Variants in ZGRF1 observed in about 807,000 individuals in gnomAD.
The protein encoded by ZGRF1 is zinc finger GRF-type containing 1, also known as 5'-3' DNA helicase ZGRF1.
Under a neutral mutation model 203.5 loss-of-function variants are expected in ZGRF1, and 196 were observed. The observed-to-expected ratio is 0.96, with a 90% CI of 0.86 to 1.08. The LOEUF (loss-of-function observed/expected upper bound fraction) is 1.08, where lower values mean the gene tolerates loss of function less well. ZGRF1 is among the 50% of genes least tolerant of loss of function. The probability of loss-of-function intolerance (pLI) is 0.00; values close to 1 mark genes in which losing one functional copy is unlikely to be tolerated. For synonymous variants in ZGRF1, 809 were observed against 841.3 expected (o/e 0.96, Z 0.66); for missense variants, 2,326 against 2,416.3 (o/e 0.96, Z 0.78).
chr4:112,625,314 C>T (rs1002382041), intron 3 of ZGRF1, among the ~76,000 whole-genome samples: 2 of 151,484 alleles, frequency 1.3e-5, no homozygotes, highest in African/African-American at 4.8e-5. Context: ...TCGCCAGGCG[C>T]GGTGGCTCAA....
rs1737121447 is a variant in ZGRF1, at chr4:112,539,557, GATTT to G, written c.6301_6304del (p.Lys2101LeufsTer15). The G allele has an allele frequency of 7.3e-6, 10 of 1,372,458 alleles. No individual in the cohort carries two copies. The highest frequency in any genetic ancestry group is 2.2e-4 in the Middle Eastern group (1 of 4,620). The allele number at this position is 1,372,458 out of a possible 1,614,324, so 85.0% of individuals were successfully genotyped here. On this transcript the variant is annotated frameshift_variant, in exon 28 of 28. Transcript: ENST00000505019. LOFTEE classifies it high-confidence loss of function. Reference sequence around the variant, plus strand: ...TTACACCATGTCTTTTTATGAATGAGATTTATCTTTAGATTTCTCTTTTTCACTC... The same window carrying G: ...TTACACCATGTCTTTTTATGAATGAGATCTTTAGATTTCTCTTTTTCACTC...
intron 16 of ZGRF1, among the ~76,000 whole-genome samples, chr4:112,571,328 G>C (rs1744174015): frequency 1.3e-5 from 2 of 152,066 alleles, no homozygotes; most frequent in African/African-American, 4.8e-5. Context: ...GATCAATAAA[G>C]CCAAGTCAGT....
intron 2 of ZGRF1, 65 bp from the exon 3 acceptor site, chr4:112,632,075 A>G (rs923690950): frequency 2.8e-6 from 2 of 713,584 alleles, no homozygotes; most frequent in Non-Finnish European, 4.2e-6. Flanking sequence ...TGTATTTTAT[A>G]TATCCTTCCT....
intron 22 of ZGRF1, among the ~76,000 whole-genome samples, chr4:112,548,665 T>G (rs370399796): frequency 2.6e-5 from 4 of 151,228 alleles, no homozygotes; most frequent in East Asian, 1.9e-4. Context: ...AAGCATTTGT[T>G]AAACATCTAG....
At chr4:112,550,110 T>C (rs1345989919) in intron 22 of ZGRF1, among the ~76,000 whole-genome samples, 1 of 151,870 alleles carries the variant, frequency 6.6e-6, no homozygotes, top group Non-Finnish European at 1.5e-5. Flanking sequence ...GAGAATGGCG[T>C]GAACCCGGGA....
In ZGRF1 at chr4:112,619,270, G is replaced by C; in HGVS notation, c.772C>G (p.Leu258Val). The C allele has an allele frequency of 6.2e-7, 1 of 1,613,340 alleles. No homozygotes were observed. The highest frequency in any genetic ancestry group is 8.5e-7 in the Non-Finnish European group (1 of 1,179,972). Reference sequence around the variant, plus strand: ...GAACTAGATGATTCGGACTTCAGAAGAGCTAATATCTGTGCTTTGCTTCTG... The same window carrying C: ...GAACTAGATGATTCGGACTTCAGAACAGCTAATATCTGTGCTTTGCTTCTG... ...NIRSKAQILA[L>V]LKSESSSSCE... Residue 258 changes from leucine (L) to valine (V), a missense_variant, in exon 6 of 28, where the codon CTT becomes GTT. Leu to Val is a conservative substitution (Grantham distance 32). Transcript: ENST00000505019.
At chr4:112,560,610 TA>T in intron 19 of ZGRF1, 122 bp downstream of exon 19, 2 of 838,046 alleles carry the variant, frequency 2.4e-6, no homozygotes, top group Admixed American at 2.6e-5. Flanking sequence ...GGTACAGGTT[TA>T]AAAAGTCTAC....
At chr4:112,545,258 C>A in intron 24 of ZGRF1, among the ~76,000 whole-genome samples, 3 of 149,990 alleles carry the variant, frequency 2.0e-5, no homozygotes, top group African/African-American at 4.9e-5. Context: ...GATTAATTTC[C>A]AGAATATATT....
At chr4:112,582,524 C>G (rs138471591) in intron 15 of ZGRF1, among the ~76,000 whole-genome samples, 18 of 151,980 alleles carry the variant, frequency 1.2e-4, no homozygotes, top group African/African-American at 3.6e-4. Context: ...ATGACCTTGG[C>G]TCACTGCAAC....
intron 21 of ZGRF1, 78 bp from the exon 22 acceptor site, chr4:112,554,060 T>G (rs1216521370): frequency 1.5e-6 from 2 of 1,317,722 alleles, no homozygotes; most frequent in Admixed American, 4.7e-5. Flanking sequence ...AGATTTTCTT[T>G]TTTTTATTAT....
chr4:112,627,530 C>A (rs923907997), intron 3 of ZGRF1, among the ~76,000 whole-genome samples: 1 of 152,058 alleles, frequency 6.6e-6, no homozygotes, highest in Admixed American at 6.6e-5. Context: ...CATCTGAGGT[C>A]GAGAGTTTGA....
intron 3 of ZGRF1, among the ~76,000 whole-genome samples, chr4:112,626,809 T>C (rs1197016454): frequency 6.6e-6 from 1 of 152,088 alleles, no homozygotes; most frequent in African/African-American, 2.4e-5. Context: ...TTTATTTATT[T>C]ATTTTTCTTT....
At chr4:112,568,912 G>A (rs1743709218) in intron 16 of ZGRF1, among the ~76,000 whole-genome samples, 1 of 151,904 alleles carries the variant, frequency 6.6e-6, no homozygotes, top group Admixed American at 6.6e-5. Flanking sequence ...TAATCAGGAG[G>A]CTGAGGAAGG....
chr4:112,620,035 TC>T lies in ZGRF1; in HGVS notation c.317del (p.Gly106AspfsTer7). On this transcript the variant is annotated frameshift_variant, in exon 5 of 28. Transcript: ENST00000505019. LOFTEE classifies it high-confidence loss of function. ...RTFISSGRSLGCQPSGLKRKF... is the reference protein window; with the variant it reads ...RTFISSGRSLXCQPSGLKRKF... ...TCCTTTTTAAGCCAGAGGGCTGACA[TC>T]CAAGAGATCGGCCAGAGGATATAAA... is the stretch of plus-strand genomic sequence containing the variant. 1.9e-6 allele frequency: 3 copies of T among 1,604,828 alleles called. No homozygotes were observed. Among genetic ancestry groups the T allele is most frequent in the Non-Finnish European group, 2.5e-6 (3 of 1,176,814 alleles).
At chr4:112,601,728 ACT>A (rs139484671) in intron 10 of ZGRF1, among the ~76,000 whole-genome samples, 5,631 of 152,038 alleles carry the variant, frequency 0.037, 197 homozygotes, top group East Asian at 0.19. Flanking sequence ...CAGAGTTAAG[ACT>A]CTGTCTCAAA....
At chr4:112,599,080 A>C (rs919584364) in intron 10 of ZGRF1, among the ~76,000 whole-genome samples, 9 of 152,064 alleles carry the variant, frequency 5.9e-5, no homozygotes, top group African/African-American at 2.2e-4. Context: ...TCAAAGCACT[A>C]ATGTAGTGGA....
chr4:112,549,141 A>C (rs1355672529), intron 22 of ZGRF1, among the ~76,000 whole-genome samples: 2 of 151,840 alleles, frequency 1.3e-5, no homozygotes, highest in Non-Finnish European at 2.9e-5. Context: ...TGTAAAGATG[A>C]CTAATTCTAA....
At chr4:112,570,968 G>A (rs1744099627) in intron 16 of ZGRF1, among the ~76,000 whole-genome samples, 1 of 152,098 alleles carries the variant, frequency 6.6e-6, no homozygotes, top group Non-Finnish European at 1.5e-5. Context: ...GCTGGGTGTG[G>A]TGGTAGGTGC....
chr4:112,561,300 T>C (rs1741931934), intron 18 of ZGRF1: 3 of 289,132 alleles, frequency 1.0e-5, no homozygotes, highest in South Asian at 4.4e-5. Flanking sequence ...CAAGTACAGA[T>C]ACAAGAATAT....
Sources: allele counts gnomAD v4.1 joint callset (sites outside exome capture counted in the v4.1 genomes callset), GRCh38; gene constraint gnomAD v4.1.1; transcripts MANE v1.5; gene names NCBI Gene and HGNC (gene_info 2026-07-23, HGNC 2026-07-21).